DDHD1: variants seen among roughly 807,000 people sequenced by gnomAD.
The protein encoded by DDHD1 is DDHD domain containing 1.
DDHD1 carries 49 observed loss-of-function variants against 96.4 expected under a neutral mutation model. The observed-to-expected ratio is 0.51, with a 90% CI of 0.40 to 0.64. DDHD1 has a LOEUF of 0.64. Ranked by LOEUF, DDHD1 falls within the 30% of genes least tolerant of loss-of-function variation. DDHD1 has a pLI of 0.00. For missense variants in DDHD1, 1,106 were observed against 1,161.2 expected (o/e 0.95, Z 0.69); for synonymous variants, 442 against 446.5 (o/e 0.99, Z 0.13).
In DDHD1 at chr14:53,152,795, A is replaced by C. The variant is rs1031613911; in HGVS notation, c.304T>G (p.Tyr102Asp). The C allele has an allele frequency of 1.2e-6, 2 of 1,606,286 alleles. No homozygotes were observed. The highest frequency in any genetic ancestry group is 1.7e-6 in the Non-Finnish European group (2 of 1,178,124). Residue 102 changes from tyrosine (Y) to aspartate (D), a missense_variant, in exon 1 of 13, where the codon TAC becomes GAC. Coordinates refer to ENST00000673822, the MANE Select transcript of DDHD1 (RefSeq NM_001160148.2). ...CCGCCGCTCTCACCCTCGCTGTAGT[A>C]GCGCAGCGAGGAGCCCGACTCGGCG... is the stretch of plus-strand genomic sequence containing the variant. ...SSAESGSSLR[Y>D]YSEGESGGGG...
chr14:53,068,665 T>G (rs1884253094), intron 6 of DDHD1, among the ~76,000 whole-genome samples: 1 of 152,226 alleles, frequency 6.6e-6, no homozygotes, highest in South Asian at 2.1e-4. Context: ...TGATGTGTTC[T>G]CCTGTGTGTG....
chr14:53,102,879 GA>G lies in DDHD1; in HGVS notation c.1012+803del, dbSNP rs368392984. On this transcript the variant is annotated intron_variant, in intron 2 of 12. Coordinates refer to ENST00000673822, the MANE Select transcript of DDHD1 (RefSeq NM_001160148.2). ...TTAGAGATGTTTTAGGAGGGGAAGG[GA>G]AAAAATCAATTAATATTTTAATTCA... 1.3e-4 allele frequency among the ~76,000 whole-genome samples: 20 copies of G among 151,594 alleles called. No individual in the cohort carries two copies. The South Asian group carries it at 4.0e-3, about 30-fold the overall frequency.
At chr14:53,061,403 C>T (rs906199080) in intron 7 of DDHD1, 3 of 438,802 alleles carry the variant, frequency 6.8e-6, no homozygotes, top group Non-Finnish European at 1.2e-5. Flanking sequence ...TAAAGTACCG[C>T]TAGTTGTCAT....
At chr14:53,138,969 G>T (rs771255585) in intron 1 of DDHD1, among the ~76,000 whole-genome samples, 1 of 151,554 alleles carries the variant, frequency 6.6e-6, no homozygotes, top group African/African-American at 2.4e-5. Context: ...ACAAGGTCTT[G>T]TCTAGATCCT....
intron 7 of DDHD1, among the ~76,000 whole-genome samples, chr14:53,062,035 C>T (rs1454301790): frequency 1.3e-5 from 1 of 76,822 alleles, no homozygotes; most frequent in Non-Finnish European, 2.6e-5. Context: ...ACTCCGTCTC[C>T]AAAAAAAAAA....
At chr14:53,139,187 G>A (rs1324910094) in intron 1 of DDHD1, among the ~76,000 whole-genome samples, 1 of 152,036 alleles carries the variant, frequency 6.6e-6, no homozygotes, top group African/African-American at 2.4e-5. Context: ...CTGGGGTCCG[G>A]CAGAATTGCT....
intron 4 of DDHD1, 138 bp downstream of exon 4, chr14:53,091,647 C>G (rs1886435586): frequency 1.2e-5 from 10 of 854,696 alleles, no homozygotes; most frequent in South Asian, 5.7e-5. Context: ...GATACTTGAT[C>G]TATGACTTAA....
intron 1 of DDHD1, 83 bp downstream of exon 1, chr14:53,152,178 G>T (rs1891440166): frequency 3.6e-6 from 5 of 1,373,448 alleles, no homozygotes; most frequent in Non-Finnish European, 2.9e-6. Context: ...CCTCTTCGCG[G>T]CGACCAGTCC....
intron 5 of DDHD1, among the ~76,000 whole-genome samples, 177 bp from the exon 6 acceptor site, chr14:53,072,880 A>G (rs146996070): frequency 6.6e-6 from 1 of 152,108 alleles, no homozygotes; most frequent in African/African-American, 2.4e-5. Flanking sequence ...TCAAGAAAAA[A>G]AAAACAGTAA....
chr14:53,090,564 G>A (rs531340349), intron 4 of DDHD1, among the ~76,000 whole-genome samples: 3 of 152,320 alleles, frequency 2.0e-5, no homozygotes, highest in African/African-American at 7.2e-5. Flanking sequence ...ATGAGTTCAT[G>A]TCCTTTGTAT....
chr14:53,079,870 AT>A lies in DDHD1; in HGVS notation c.1290-6024del, dbSNP rs371252347. Among the ~76,000 whole-genome samples, 909 of 151,966 alleles carry A rather than the reference AT, an allele frequency of 6.0e-3. 10 individuals are homozygous for A. The highest frequency in any genetic ancestry group is 0.021 in the African/African-American group (870 of 41,456). ...TGCATGCCTCTTTTATTTTTTGCTGATTTTTTTTGGGATAGTACCTGGAAGT... is the reference window on the plus strand; with the variant it reads ...TGCATGCCTCTTTTATTTTTTGCTGATTTTTTTGGGATAGTACCTGGAAGT... On this transcript the variant is annotated intron_variant, in intron 4 of 12. Coordinates refer to ENST00000673822, the MANE Select transcript of DDHD1 (RefSeq NM_001160148.2).
chr14:53,123,121 A>G (rs1243267620), intron 1 of DDHD1, among the ~76,000 whole-genome samples: 480 of 31,832 alleles, frequency 0.015, 2 homozygotes, highest in African/African-American at 0.042. Flanking sequence ...TGCTGTTATT[A>G]TTATTATTAT....
intron 4 of DDHD1, among the ~76,000 whole-genome samples, chr14:53,089,843 C>A (rs1886286936): frequency 1.3e-5 from 2 of 152,152 alleles, no homozygotes. Context: ...ACACCAAAAG[C>A]AATGGCAACA....
At chr14:53,144,805 C>T (rs748121593) in intron 1 of DDHD1, among the ~76,000 whole-genome samples, 28 of 152,318 alleles carry the variant, frequency 1.8e-4, no homozygotes, top group South Asian at 4.1e-4. Context: ...TAAATGTCTA[C>T]ACTAAGGCTT....
At chr14:53,108,242 T>C (rs1349821603) in intron 1 of DDHD1, among the ~76,000 whole-genome samples, 1 of 152,222 alleles carries the variant, frequency 6.6e-6, no homozygotes, top group African/African-American at 2.4e-5. Context: ...TCTTCCCGAC[T>C]GGGCTAAAGG....
chr14:53,150,879 GTATA>G (rs1209143275), intron 1 of DDHD1, among the ~76,000 whole-genome samples: 1 of 152,142 alleles, frequency 6.6e-6, no homozygotes, highest in Admixed American at 6.5e-5. Context: ...CCTTTAGTGA[GTATA>G]TAATCTAAAA....
At chr14:53,135,737 A>C (rs1890186241) in intron 1 of DDHD1, among the ~76,000 whole-genome samples, 1 of 152,272 alleles carries the variant, frequency 6.6e-6, no homozygotes, top group Non-Finnish European at 1.5e-5. Flanking sequence ...CTGGAAGAAC[A>C]GACTTCTACT....
intron 12 of DDHD1, among the ~76,000 whole-genome samples, chr14:53,048,132 T>A (rs562452514): frequency 6.6e-6 from 1 of 152,220 alleles, no homozygotes; most frequent in Non-Finnish European, 1.5e-5. Context: ...TAAATAGGTA[T>A]TTTGTGACAA....
chr14:53,139,239 G>C (rs1231472982), intron 1 of DDHD1, among the ~76,000 whole-genome samples: 1 of 152,102 alleles, frequency 6.6e-6, no homozygotes. Flanking sequence ...CTGTGCCTAA[G>C]AATAAGGCAG....
Sources: gnomAD v4.1 joint callset for allele counts (sites outside exome capture counted in the v4.1 genomes callset) on GRCh38, gnomAD v4.1.1 for gene constraint, MANE v1.5 for transcripts, NCBI Gene and HGNC (gene_info 2026-07-23, HGNC 2026-07-21) for gene names.